The following MAGI1 variants were observed in gnomAD, a reference collection of about 807,000 sequenced individuals.
MAGI1 encodes the protein membrane associated guanylate kinase, WW and PDZ domain containing 1.
Under a neutral mutation model 139.9 loss-of-function variants are expected in MAGI1, and 58 were observed. The ratio of observed to expected loss-of-function variants is 0.41; its 90% CI spans 0.34 to 0.52. MAGI1 has a LOEUF of 0.52. MAGI1 is among the 20% of genes least tolerant of loss of function. The pLI is 0.12. For synonymous variants in MAGI1, 812 were observed against 737.9 expected (o/e 1.10, Z -1.63); for missense variants, 1,874 against 1,901.6 (o/e 0.99, Z 0.27).
intron 1 of MAGI1, among the ~76,000 whole-genome samples, chr3:65,914,910 T>C (rs1426005903): frequency 6.6e-6 from 1 of 152,158 alleles, no homozygotes; most frequent in African/African-American, 2.4e-5. Flanking sequence ...ATGAAGATAA[T>C]AGCACCCCCT....
At chr3:66,036,219 C>G (rs564237722) in intron 1 of MAGI1, among the ~76,000 whole-genome samples, 1 of 152,284 alleles carries the variant, frequency 6.6e-6, no homozygotes, top group South Asian at 2.1e-4. Context: ...ACATAAATAG[C>G]TAATCTTTAT....
chr3:65,965,650 T>A (rs2064701398), intron 1 of MAGI1, among the ~76,000 whole-genome samples: 1 of 151,976 alleles, frequency 6.6e-6, no homozygotes, highest in African/African-American at 2.4e-5. Context: ...CTGAGGACTC[T>A]GTTTCACCCT....
At chr3:65,778,451 A>G (rs114224646) in intron 1 of MAGI1, among the ~76,000 whole-genome samples, 13,627 of 61,336 alleles carry the variant, frequency 0.22, 1,554 homozygotes, top group African/African-American at 0.29. Flanking sequence ...AAAATAAATA[A>G]ATAAGTCTTT....
intron 1 of MAGI1, among the ~76,000 whole-genome samples, chr3:65,914,526 C>T (rs559862584): frequency 3.9e-5 from 6 of 152,240 alleles, no homozygotes; most frequent in South Asian, 2.1e-4. Context: ...AAGGCATTCA[C>T]GCTCAATTCA....
intron 1 of MAGI1, chr3:65,873,380 A>C (rs1381653201): frequency 6.6e-6 from 1 of 152,212 alleles, no homozygotes; most frequent in African/African-American, 2.4e-5. Flanking sequence ...CTTACTCTAC[A>C]TAGTGTTCCT....
At chr3:65,436,017 G>A (rs1665484713) in intron 10 of MAGI1, among the ~76,000 whole-genome samples, 1 of 152,154 alleles carries the variant, frequency 6.6e-6, no homozygotes, top group South Asian at 2.1e-4. Flanking sequence ...CCACAGTCAT[G>A]TTGATACTAA....
chr3:65,461,638 GCCA>G (rs1444517270), intron 5 of MAGI1, among the ~76,000 whole-genome samples: 3 of 151,546 alleles, frequency 2.0e-5, no homozygotes, highest in Non-Finnish European at 4.4e-5. Flanking sequence ...ACAGGCGCCC[GCCA>G]CCACGCCTGG....
At chr3:65,476,209 G>A (rs1017401653) in intron 4 of MAGI1, among the ~76,000 whole-genome samples, 7 of 152,170 alleles carry the variant, frequency 4.6e-5, no homozygotes, top group East Asian at 1.9e-4. Context: ...GTCAGCTGTC[G>A]CAGGTACACT....
intron 3 of MAGI1, among the ~76,000 whole-genome samples, chr3:65,492,751 A>C (rs545860220): frequency 6.6e-6 from 1 of 152,302 alleles, no homozygotes; most frequent in Non-Finnish European, 1.5e-5. Context: ...TTGAATCCTA[A>C]ATCAGGCAGG....
intron 1 of MAGI1, among the ~76,000 whole-genome samples, chr3:65,915,921 TTTA>T (rs1321020278): frequency 6.6e-6 from 1 of 151,568 alleles, no homozygotes; most frequent in Non-Finnish European, 1.5e-5. Context: ...AATTTGTGTA[TTTA>T]TTATCATTTC....
At chr3:65,652,294 T>C (rs2085629305) in intron 1 of MAGI1, among the ~76,000 whole-genome samples, 1 of 152,202 alleles carries the variant, frequency 6.6e-6, no homozygotes, top group Non-Finnish European at 1.5e-5. Context: ...TTCATAGTCA[T>C]TCAAAGTGAC....
intron 1 of MAGI1, among the ~76,000 whole-genome samples, chr3:65,653,468 A>G (rs2085699541): frequency 6.6e-6 from 1 of 152,186 alleles, no homozygotes; most frequent in African/African-American, 2.4e-5. Flanking sequence ...CCGTGTTATC[A>G]GGACCATGAC....
intron 1 of MAGI1, among the ~76,000 whole-genome samples, chr3:65,684,587 G>A (rs185066107): frequency 3.3e-5 from 5 of 152,242 alleles, no homozygotes; most frequent in South Asian, 2.1e-4. Flanking sequence ...CTTGACTGTG[G>A]TTGTAGATAC....
intron 1 of MAGI1, among the ~76,000 whole-genome samples, chr3:65,738,360 T>G (rs2034965213): frequency 1.3e-5 from 2 of 152,202 alleles, no homozygotes; most frequent in Non-Finnish European, 2.9e-5. Flanking sequence ...AATTTTTTTG[T>G]GGAGATGTGG....
In MAGI1 at chr3:65,429,590, G is replaced by A. The variant is rs1371098872; in HGVS notation, c.2097C>T (p.His699=). The A allele has an allele frequency of 2.5e-6, 4 of 1,613,832 alleles. No individual in the cohort carries two copies. Among genetic ancestry groups the A allele is most frequent in the Non-Finnish European group, 3.4e-6 (4 of 1,179,914 alleles). Residue 699 remains histidine, a synonymous_variant, in exon 12 of 23, where the codon CAC becomes CAT. Transcript: ENST00000402939. ...VNKKNVQALT[H]NQVVDMLVEC... is the part of the protein sequence containing the mutation. Reference sequence around the variant, plus strand: ...CAACCAGCATATCCACCACTTGGTTGTGAGTTAGGGCCTGCACGTTCTTCT... The same window carrying A: ...CAACCAGCATATCCACCACTTGGTTATGAGTTAGGGCCTGCACGTTCTTCT...
chr3:65,712,037 G>C (rs754303702), intron 1 of MAGI1, among the ~76,000 whole-genome samples: 1 of 152,000 alleles, frequency 6.6e-6, no homozygotes, highest in Non-Finnish European at 1.5e-5. Flanking sequence ...AGAAAGAGAG[G>C]GTGTTTCTCC....
rs1940132015 is a variant in MAGI1, at chr3:65,354,879, TTTTC to T, written c.*1495_*1498del. ...CTCTGTACACGCAATGATTGGCTGGTTTTCTTTTTTTTTTTCTTTTTCCTTTTTT... is the reference window on the plus strand; with the variant it reads ...CTCTGTACACGCAATGATTGGCTGGTTTTTTTTTTTTCTTTTTCCTTTTTT... On this transcript the variant is annotated 3_prime_UTR_variant, in exon 23 of 23. Coordinates refer to ENST00000402939, the MANE Select transcript of MAGI1 (RefSeq NM_001033057.2). The T allele has an allele frequency of 6.6e-6, 1 of 152,302 alleles. No individual in the cohort carries two copies. The allele number at this position is 152,302 out of a possible 1,614,324, so 9.4% of individuals were successfully genotyped here.
chr3:65,838,798 A>T (rs984950536), intron 1 of MAGI1, among the ~76,000 whole-genome samples: 1 of 152,214 alleles, frequency 6.6e-6, no homozygotes, highest in Non-Finnish European at 1.5e-5. Context: ...TAAGAAATGG[A>T]CATATCATTT....
intron 1 of MAGI1, among the ~76,000 whole-genome samples, chr3:65,960,613 T>C (rs1376150807): frequency 6.6e-6 from 1 of 152,220 alleles, no homozygotes; most frequent in Non-Finnish European, 1.5e-5. Context: ...AATCCTAATT[T>C]AATTATAATA....
Sources: gnomAD v4.1 joint callset for allele counts (sites outside exome capture counted in the v4.1 genomes callset) on GRCh38, gnomAD v4.1.1 for gene constraint, MANE v1.5 for transcripts, NCBI Gene and HGNC (gene_info 2026-07-23, HGNC 2026-07-21) for gene names.